ITGB6: variants seen among roughly 807,000 people sequenced by gnomAD.
ITGB6 encodes integrin beta-6.
Under a neutral mutation model 84.5 loss-of-function variants are expected in ITGB6, and 80 were observed. That is an observed-to-expected ratio of 0.95 (90% CI 0.79 to 1.14). The LOEUF is 1.14. Ranked by LOEUF, ITGB6 falls within the 50% of genes most tolerant of loss-of-function variation. The pLI is 0.00. For synonymous variants in ITGB6, 383 were observed against 354.9 expected, an observed-to-expected ratio of 1.08 and a Z score of -0.89; for missense variants, 1,006 against 968.0, an observed-to-expected ratio of 1.04 and a Z score of -0.52.
intron 5 of ITGB6, among the ~76,000 whole-genome samples, chr2:160,173,525 C>T (rs1348318517): frequency 6.6e-6 from 1 of 152,122 alleles, no homozygotes; most frequent in Non-Finnish European, 1.5e-5. Flanking sequence ...GAGCAGTGTT[C>T]CTGTAATGTT....
chr2:160,141,766 G>A (rs1213200900), intron 8 of ITGB6, among the ~76,000 whole-genome samples: 1 of 152,074 alleles, frequency 6.6e-6, no homozygotes, highest in Non-Finnish European at 1.5e-5. Context: ...TTTATGATCA[G>A]TTTTATGATT....
At chr2:160,132,664 C>A (rs1436432915) in intron 10 of ITGB6, among the ~76,000 whole-genome samples, 1 of 152,064 alleles carries the variant, frequency 6.6e-6, no homozygotes, top group Admixed American at 6.6e-5. Context: ...CAAATTTATA[C>A]TGTTTAAGAG....
chr2:160,131,582 C>T (rs971171021), intron 10 of ITGB6, among the ~76,000 whole-genome samples: 2 of 152,114 alleles, frequency 1.3e-5, no homozygotes, highest in African/African-American at 4.8e-5. Context: ...ACTCCATGAC[C>T]ATTTGTTAAC....
chr2:160,147,495 A>G (rs944286414), intron 7 of ITGB6, among the ~76,000 whole-genome samples: 3 of 152,342 alleles, frequency 2.0e-5, no homozygotes, highest in East Asian at 3.9e-4. Context: ...TAAAGTTTCT[A>G]TGGAAAGGCA....
chr2:160,161,514 C>T (rs1164081451), intron 7 of ITGB6, among the ~76,000 whole-genome samples: 2 of 152,110 alleles, frequency 1.3e-5, no homozygotes, highest in Non-Finnish European at 2.9e-5. Context: ...TGTTCTCGAA[C>T]TCCTGACCTC....
At chr2:160,192,158 T>C (rs979363880) in intron 4 of ITGB6, among the ~76,000 whole-genome samples, 6 of 152,098 alleles carry the variant, frequency 3.9e-5, no homozygotes, top group African/African-American at 1.4e-4. Context: ...ATGCAAAGGA[T>C]CTAGGATAAA....
intron 6 of ITGB6, among the ~76,000 whole-genome samples, chr2:160,170,912 G>A (rs997721649): frequency 2.6e-5 from 4 of 152,168 alleles, no homozygotes; most frequent in Non-Finnish European, 4.4e-5. Flanking sequence ...TGCAAGAAAA[G>A]GGTAATGAAA....
At chr2:160,183,883 G>A (rs1190828936) in intron 4 of ITGB6, among the ~76,000 whole-genome samples, 1 of 151,176 alleles carries the variant, frequency 6.6e-6, no homozygotes, top group Non-Finnish European at 1.5e-5. Flanking sequence ...CATGCTACTG[G>A]GTAAATAACG....
At chr2:160,183,165 G>A (rs998196914) in intron 4 of ITGB6, among the ~76,000 whole-genome samples, 1 of 152,162 alleles carries the variant, frequency 6.6e-6, no homozygotes, top group Admixed American at 6.5e-5. Context: ...ATGTAAATGG[G>A]CTAAATGCCC....
intron 13 of ITGB6, 26 bp downstream of exon 13, chr2:160,112,054 T>C (rs192117778): frequency 6.2e-7 from 1 of 1,610,096 alleles, no homozygotes; most frequent in Admixed American, 1.7e-5. Context: ...TCATTTGCCA[T>C]CGGCAATGGA....
At chr2:160,181,159 G>A (rs1044062321) in intron 4 of ITGB6, among the ~76,000 whole-genome samples, 10 of 151,768 alleles carry the variant, frequency 6.6e-5, no homozygotes, top group Non-Finnish European at 1.3e-4. Flanking sequence ...CCCCTGAAAA[G>A]GGGGCTGAAG....
At chr2:160,142,445 G>A (rs1684033863) in intron 7 of ITGB6, among the ~76,000 whole-genome samples, 1 of 152,206 alleles carries the variant, frequency 6.6e-6, no homozygotes, top group Non-Finnish European at 1.5e-5. Flanking sequence ...TTCTCTTTTT[G>A]TAACGTTGCA....
intron 7 of ITGB6, among the ~76,000 whole-genome samples, chr2:160,167,525 C>G (rs902822653): frequency 6.6e-6 from 1 of 152,198 alleles, no homozygotes; most frequent in Middle Eastern, 3.2e-3. Flanking sequence ...CAGATCATGA[C>G]AGAACATAAA....
chr2:160,135,983 C>T (rs1683696540), intron 10 of ITGB6, among the ~76,000 whole-genome samples: 1 of 152,200 alleles, frequency 6.6e-6, no homozygotes, highest in Non-Finnish European at 1.5e-5. Flanking sequence ...CCATTCGGGA[C>T]ATAGGCATGA....
intron 4 of ITGB6, among the ~76,000 whole-genome samples, chr2:160,180,642 C>T (rs1435765380): frequency 6.6e-6 from 1 of 152,222 alleles, no homozygotes; most frequent in East Asian, 1.9e-4. Context: ...CATTTGCCTT[C>T]TTCACTGTGT....
At chr2:160,192,897 A>G (rs552511003) in intron 4 of ITGB6, among the ~76,000 whole-genome samples, 1 of 152,256 alleles carries the variant, frequency 6.6e-6, no homozygotes, top group Admixed American at 6.5e-5. Flanking sequence ...GCTCAACATC[A>G]TTCATTATTA....
intron 11 of ITGB6, among the ~76,000 whole-genome samples, chr2:160,125,718 C>T (rs1683212070): frequency 1.3e-5 from 2 of 152,202 alleles, no homozygotes; most frequent in South Asian, 2.1e-4. Context: ...ATAAGAGCCA[C>T]TTTGGAGGCT....
chr2:160,166,702 G>T (rs558455747), intron 7 of ITGB6, among the ~76,000 whole-genome samples: 1 of 151,938 alleles, frequency 6.6e-6, no homozygotes, highest in Non-Finnish European at 1.5e-5. Context: ...ATTATCTTTC[G>T]AACCCTATAA....
rs184680359 is a variant in ITGB6, at chr2:160,151,244, T to C, written c.1018-9173A>G. The stretch of plus-strand genomic sequence containing the variant: ...AAAGAACAGAAATCACAATGAACTG[T>C]CTCTCATACCACAGTGCAATAAAAT... On this transcript the variant is annotated intron_variant, in intron 7 of 14. Transcript: ENST00000283249. Among the ~76,000 whole-genome samples the C allele has an allele frequency of 2.3e-3, 347 of 152,304 alleles. 1 individual carries two copies. Among genetic ancestry groups the C allele is most frequent in the African/African-American group, 7.8e-3 (325 of 41,560 alleles).
Sources: allele counts gnomAD v4.1 joint callset (sites outside exome capture counted in the v4.1 genomes callset), GRCh38; gene constraint gnomAD v4.1.1; transcripts MANE v1.5; gene names NCBI Gene and HGNC (gene_info 2026-07-23, HGNC 2026-07-21).